Variants in TRPC4AP observed in about 807,000 individuals in gnomAD.
TRPC4AP encodes the protein short transient receptor potential channel 4-associated protein.
TRPC4AP carries 45 observed loss-of-function variants against 99.0 expected under a neutral mutation model. The observed-to-expected ratio is 0.45, with a 90% confidence interval of 0.36 to 0.58. The LOEUF (loss-of-function observed/expected upper bound fraction) is 0.58, where lower values mean the gene tolerates loss of function less well. TRPC4AP is among the 20% of genes least tolerant of loss of function. The probability of loss-of-function intolerance (pLI) is 0.00; values close to 1 mark genes in which losing one functional copy is unlikely to be tolerated. For missense variants in TRPC4AP, 879 were observed against 985.3 expected (o/e 0.89, Z 1.44); for synonymous variants, 408 against 385.8 (o/e 1.06, Z -0.67).
At chr20:35,069,273 A>G (rs1283661139) in intron 3 of TRPC4AP, 23 bp downstream of exon 3, 2 of 1,317,020 alleles carry the variant, frequency 1.5e-6, no homozygotes, top group African/African-American at 2.9e-5. Context: ...TAACAGCAGT[A>G]GTAATAATAA....
chr20:35,044,273 T>C (rs1379105553), intron 7 of TRPC4AP, among the ~76,000 whole-genome samples: 1 of 151,648 alleles, frequency 6.6e-6, no homozygotes, highest in Non-Finnish European at 1.5e-5. Flanking sequence ...TGCCTATAGT[T>C]CCAGCTACTC....
rs1191565249 is a variant in TRPC4AP at position 35,090,545 on chromosome 20, TG to T, written c.168+2068del. Reference sequence around the variant, plus strand: ...CTTACCACCACGCCCGGCTAATTTTTGTATTTTTAGTAGAGACGGGGCTTCG... The same window carrying T: ...CTTACCACCACGCCCGGCTAATTTTTTATTTTTAGTAGAGACGGGGCTTCG... On this transcript the variant is annotated intron_variant, in intron 1 of 18. Coordinates refer to ENST00000252015, the MANE Select transcript of TRPC4AP (RefSeq NM_015638.3). Among the ~76,000 whole-genome samples, 4 of 152,062 alleles carry T rather than the reference TG, an allele frequency of 2.6e-5. No individual in the cohort carries two copies. The East Asian group carries it at 7.7e-4, about 29-fold the overall frequency.
intron 3 of TRPC4AP, among the ~76,000 whole-genome samples, chr20:35,067,843 G>A (rs867294873): frequency 1.3e-5 from 2 of 152,166 alleles, no homozygotes; most frequent in Non-Finnish European, 2.9e-5. Flanking sequence ...TGTGGGGAGA[G>A]GGGGAGGAGG....
At chr20:35,016,635 A>G (rs2082760969) in intron 9 of TRPC4AP, among the ~76,000 whole-genome samples, 1 of 152,240 alleles carries the variant, frequency 6.6e-6, no homozygotes, top group African/African-American at 2.4e-5. Flanking sequence ...TGCAAAGAAA[A>G]AAAAATGATC....
intron 15 of TRPC4AP, 102 bp downstream of exon 15, chr20:35,006,333 C>A: frequency 2.2e-6 from 3 of 1,391,068 alleles, no homozygotes; most frequent in Non-Finnish European, 1.0e-6. Context: ...ACTCCCCCGT[C>A]GTCTCTAACG....
chr20:35,086,253 C>G lies in TRPC4AP; in HGVS notation c.168+6361G>C, dbSNP rs930236720. 2.6e-5 allele frequency among the ~76,000 whole-genome samples: 4 copies of G among 152,100 alleles called. No individual in the cohort carries two copies. The South Asian group carries it at 8.3e-4, about 32-fold the overall frequency. ...GAATTACAGGTGTGAGCCACCGCAC[C>G]CAGCCTAAATAGATATCTTAAAGGA... On this transcript the variant is annotated intron_variant, in intron 1 of 18. Coordinates refer to ENST00000252015, the MANE Select transcript of TRPC4AP (RefSeq NM_015638.3).
intron 9 of TRPC4AP, among the ~76,000 whole-genome samples, chr20:35,017,416 C>T (rs984728273): frequency 6.6e-6 from 1 of 152,164 alleles, no homozygotes; most frequent in Non-Finnish European, 1.5e-5. Flanking sequence ...TTCACTTATA[C>T]TAATTTATAT....
intron 7 of TRPC4AP, among the ~76,000 whole-genome samples, chr20:35,041,113 T>G (rs2083437231): frequency 7.4e-6 from 1 of 135,958 alleles, no homozygotes; most frequent in African/African-American, 2.5e-5. Context: ...ATCTTGGACT[T>G]CTAGCCTCCA....
chr20:35,012,564 C>T (rs1358208723), intron 11 of TRPC4AP, among the ~76,000 whole-genome samples: 1 of 152,178 alleles, frequency 6.6e-6, no homozygotes, highest in African/African-American at 2.4e-5. Flanking sequence ...AATAAATGAG[C>T]GCAGAATGTC....
rs750631732 is a variant in TRPC4AP at position 35,016,114 on chromosome 20, T to C, written c.1244A>G (p.Lys415Arg). ...NQVHRMIAEF[K>R]LIPGLNNLFD... The stretch of plus-strand genomic sequence containing the variant: ...CAAATTATTAAGTCCAGGGATCAGC[T>C]TGAACTCTGCAATCATTCTGTGAAC... The change falls in exon 10 of 19, where the codon AAG (lysine) becomes AGG (arginine). Residue 415 changes from lysine to arginine, a missense_variant. Lys to Arg is a conservative substitution (Grantham distance 26, BLOSUM62 2). Around this residue, in one of 3 missense-constraint regions of TRPC4AP, gnomAD observed 603 missense variants for 631.8 expected, o/e 0.95. Transcript: ENST00000252015. 1.9e-6 allele frequency: 3 copies of C among 1,614,058 alleles called. No individual in the cohort carries two copies. Among genetic ancestry groups the C allele is most frequent in the Non-Finnish European group, 2.5e-6 (3 of 1,180,044 alleles).
chr20:35,092,656 C>G lies in TRPC4AP; in HGVS notation c.126G>C (p.Arg42=), dbSNP rs747594404. The part of the protein sequence containing the change: ...PRPGNILLQL[R]QGQLTGRGLV... ...GGCCCCGGCCGGTCAGCTGGCCCTG[C>G]CGCAGCTGCAGCAGAATGTTACCAG... is the stretch of plus-strand genomic sequence containing the variant. Residue 42 remains arginine (R), a synonymous_variant, in exon 1 of 19, where the codon CGG becomes CGC. Coordinates refer to ENST00000252015, the MANE Select transcript of TRPC4AP (RefSeq NM_015638.3). 1 of 1,520,438 alleles carries G rather than the reference C, an allele frequency of 6.6e-7. No individual in the cohort carries two copies. Among genetic ancestry groups the G allele is most frequent in the South Asian group, 1.2e-5 (1 of 82,926 alleles). 94.2% of individuals were successfully genotyped at this position (1,520,438 alleles called of 1,614,324 possible).
intron 12 of TRPC4AP, 31 bp downstream of exon 12, chr20:35,010,156 G>A: frequency 3.7e-6 from 6 of 1,603,472 alleles, no homozygotes; most frequent in Non-Finnish European, 5.1e-6. Context: ...GCCGGGATGG[G>A]CTGAGGGAAA....
chr20:35,031,415 T>TA (rs1555907105), intron 8 of TRPC4AP, among the ~76,000 whole-genome samples: 7 of 109,694 alleles, frequency 6.4e-5, no homozygotes, highest in East Asian at 5.8e-4. Flanking sequence ...TTTTTTTTTT[T>TA]CAAAGAGATG....
chr20:35,031,365 G>A (rs1237843975), intron 8 of TRPC4AP, among the ~76,000 whole-genome samples: 1 of 148,096 alleles, frequency 6.8e-6, no homozygotes, highest in African/African-American at 2.5e-5. Context: ...TGGGATTACA[G>A]GTGTGCACTA....
chr20:35,053,363 T>G (rs917897677), intron 5 of TRPC4AP, among the ~76,000 whole-genome samples: 4 of 152,200 alleles, frequency 2.6e-5, no homozygotes, highest in Admixed American at 6.5e-5. Context: ...ACTTAACTGT[T>G]TTATTGGAAT....
In TRPC4AP at chr20:35,013,009, C is replaced by G. The variant is rs769637017; in HGVS notation, c.1408G>C (p.Glu470Gln). 2 of 1,613,950 alleles carry G rather than the reference C, an allele frequency of 1.2e-6. No homozygotes were observed. The highest frequency in any genetic ancestry group is 2.7e-5 in the African/African-American group (2 of 74,904). The change falls in exon 11 of 19, where the codon GAG (glutamate) becomes CAG (glutamine). Residue 470 changes from glutamate (E) to glutamine (Q), a missense_variant and splice_region_variant. Glu to Gln is a conservative substitution (Grantham distance 29, BLOSUM62 2). Transcript: ENST00000252015. Reference sequence around the variant, plus strand: ...TTGCAGGGACACTCTTGTACTTACTCGTGGTGGTCACTGAAGCTCTGAAGA... The same window carrying G: ...TTGCAGGGACACTCTTGTACTTACTGGTGGTGGTCACTGAAGCTCTGAAGA... ...RLLQSFSDHH[E>Q]NKYLLLNNQE...
rs1372526587 is a variant in TRPC4AP, at chr20:35,086,545, G to GTA, written c.168+6068_168+6069insTA. 2.8e-3 allele frequency among the ~76,000 whole-genome samples: 169 copies of GTA among 59,926 alleles called. 12 individuals carry two copies. Among genetic ancestry groups the GTA allele is most frequent in the East Asian group, 8.1e-3 (22 of 2,700 alleles). 39.3% of individuals were successfully genotyped at this position (59,926 alleles called of 152,430 possible). A position where few individuals can be genotyped will look rare whatever the true frequency, so the allele number is the denominator to read the frequency against. On this transcript the variant is annotated intron_variant, in intron 1 of 18. Transcript: ENST00000252015. ...TATATATGTGTGTGTGTGTGTGTGT[G>GTA]TGTGTGTGTGTGTGTGTGTGTGTGT... is the stretch of plus-strand genomic sequence containing the variant.
In TRPC4AP at chr20:35,008,922, A is replaced by G. The variant is rs138170831; in HGVS notation, c.1512-175T>C. ...CGGAGACCCCTGCAGCCACAGAATT[A>G]AACTGCCAAGTGCATTCCCACCACA... is the stretch of plus-strand genomic sequence containing the variant. On this transcript the variant is annotated intron_variant, in intron 12 of 18. Coordinates refer to ENST00000252015, the MANE Select transcript of TRPC4AP (RefSeq NM_015638.3). Among the ~76,000 whole-genome samples the G allele has an allele frequency of 3.0e-3, 459 of 152,288 alleles. 4 individuals carry two copies. Among genetic ancestry groups the G allele is most frequent in the Middle Eastern group, 0.017 (5 of 294 alleles).
intron 7 of TRPC4AP, among the ~76,000 whole-genome samples, chr20:35,042,022 A>T (rs1374803966): frequency 1.3e-5 from 2 of 152,234 alleles, no homozygotes; most frequent in Non-Finnish European, 2.9e-5. Flanking sequence ...CACTTTTTTT[A>T]AAATTATACT....
Sources: gnomAD v4.1 joint callset for allele counts (sites outside exome capture counted in the v4.1 genomes callset) on GRCh38, gnomAD v4.1.1 for gene constraint, gnomAD v4.1.1 regional missense constraint, MANE v1.5 for transcripts, NCBI Gene and HGNC (gene_info 2026-07-23, HGNC 2026-07-21) for gene names.